GGT6: variants seen among roughly 807,000 people sequenced by gnomAD.
GGT6 encodes the protein gamma-glutamyltransferase 6.
In GGT6, 13 loss-of-function variants were observed where a neutral mutation model predicts 17.0. The ratio of observed to expected loss-of-function variants is 0.77; its 90% CI spans 0.50 to 1.22. The LOEUF (loss-of-function observed/expected upper bound fraction) is 1.22, where lower values mean the gene tolerates loss of function less well. Among genes scored for constraint, GGT6 ranks in the 50% most tolerant of loss-of-function variants. The pLI is 0.00. For synonymous variants in GGT6, 305 were observed against 297.9 expected (o/e 1.02, Z -0.25); for missense variants, 628 against 643.7 (o/e 0.98, Z 0.26).
chr17:4,558,722 G>A lies in GGT6; in HGVS notation c.793C>T (p.Arg265Cys), dbSNP rs377477526. ...GAGGTGGGAGCGAGGGCTGCGCTGC[G>A]AAGCACAGCTGCCAGTTGTGGGTTG... is the stretch of plus-strand genomic sequence containing the variant. ...ATNPQLAAVL[R>C]SAALAPTSDL... The change falls in exon 4 of 4, where the codon CGC (arginine) becomes TGC (cysteine). Residue 265 changes from arginine to cysteine, a missense_variant. Arg to Cys is a radical substitution (Grantham distance 180). Coordinates refer to ENST00000381550, the MANE Select transcript of GGT6 (RefSeq NM_001288702.2). The A allele has an allele frequency of 1.4e-5, 23 of 1,602,768 alleles. No homozygotes were observed. The highest frequency in any genetic ancestry group is 5.3e-5 in the African/African-American group (4 of 74,852).
chr17:4,560,455 C>T lies in GGT6; in HGVS notation c.67G>A (p.Glu23Lys), dbSNP rs866581229. ...LLPWEPSLES[E>K]EEVEEEETSE... ...GTCTCCTCCTCCTCCACTTCCTCCT[C>T]CGACTCCAAGCTTGGCTCCCAGGGC... Residue 23 changes from glutamate (E) to lysine (K), a missense_variant, in exon 1 of 4, where the codon GAG becomes AAG. Transcript: ENST00000381550. The T allele has an allele frequency of 6.2e-7, 1 of 1,614,084 alleles. No individual in the cohort carries two copies. The highest frequency in any genetic ancestry group is 8.5e-7 in the Non-Finnish European group (1 of 1,180,036).
chr17:4,558,279 G>A lies in GGT6; in HGVS notation c.1236C>T (p.Gly412=). 6.2e-7 allele frequency: 1 copy of A among 1,614,044 alleles called. No individual in the cohort carries two copies. The highest frequency in any genetic ancestry group is 8.5e-7 in the Non-Finnish European group (1 of 1,180,050). ...SAWACPLILR[G]SLDDTEADVL... ...CATCAGCCTCTGTGTCATCCAGGCT[G>A]CCACGGAGGATGAGGGGGCAGGCCC... is the stretch of plus-strand genomic sequence containing the variant. The change falls in exon 4 of 4, where the codon GGC becomes GGT. Residue 412 remains glycine (G), a synonymous_variant. Transcript: ENST00000381550.
intron 1 of GGT6, 92 bp from the exon 2 acceptor site, chr17:4,559,852 AT>A: frequency 8.1e-7 from 1 of 1,228,652 alleles, no homozygotes; most frequent in South Asian, 1.3e-5. Flanking sequence ...AAAAGGTTTG[AT>A]TTAGCAAGAG....
At position 4,557,365 on chromosome 17, in the gene GGT6, T is replaced by TTGCAATG. The variant is rs1908234501; in HGVS notation, c.*643_*649dup. The TTGCAATG allele has an allele frequency of 6.7e-6, 1 of 149,780 alleles. No individual in the cohort carries two copies. Among genetic ancestry groups the TTGCAATG allele is most frequent in the Non-Finnish European group, 1.5e-5 (1 of 67,666 alleles). 9.3% of individuals were successfully genotyped at this position (149,780 alleles called of 1,614,324 possible). A position where few individuals can be genotyped will look rare whatever the true frequency, so the allele number is the denominator to read the frequency against. On this transcript the variant is annotated 3_prime_UTR_variant, in exon 4 of 4. Transcript: ENST00000381550. ...TTTCCCTCTTGTTGCCCAGGTGGGG[T>TTGCAATG]TGCAATGGTGCGATCTTGGTTCACT...
Position 4,557,987 on chromosome 17 carries a change from G to T in GGT6, c.*28C>A. 7.0e-7 allele frequency: 1 copy of T among 1,421,132 alleles called. No individual in the cohort carries two copies. The highest frequency in any genetic ancestry group is 9.5e-7 in the Non-Finnish European group (1 of 1,057,316). 88.0% of individuals were successfully genotyped at this position (1,421,132 alleles called of 1,614,324 possible). A position where few individuals can be genotyped will look rare whatever the true frequency, so the allele number is the denominator to read the frequency against. On this transcript the variant is annotated 3_prime_UTR_variant, in exon 4 of 4. Coordinates refer to ENST00000381550, the MANE Select transcript of GGT6 (RefSeq NM_001288702.2). ...CTGCCCCCATGCTTCAGATAACTCTGCCTTCTGCCAGACCCACCCCCATCC... is the reference window on the plus strand; with the variant it reads ...CTGCCCCCATGCTTCAGATAACTCTTCCTTCTGCCAGACCCACCCCCATCC...
rs777462893 is a variant in GGT6 at position 4,558,356 on chromosome 17, T to G, written c.1159A>C (p.Ser387Arg). The change falls in exon 4 of 4, where the codon AGC (serine) becomes CGC (arginine). Residue 387 changes from serine (S) to arginine (R), a missense_variant. By Grantham distance (110) the Ser-to-Arg change is moderately radical. Coordinates refer to ENST00000381550, the MANE Select transcript of GGT6 (RefSeq NM_001288702.2). ...AGGTTGCTGAGCAGAACCCCAGTGC[T>G]TGGGGACAGGTGTGCAGAGCCAAAG... The part of the protein sequence containing the change: ...CSFGSAHLSP[S>R]TGVLLSNLVA... 1 of 1,607,864 alleles carries G rather than the reference T, an allele frequency of 6.2e-7. No homozygotes were observed. Among genetic ancestry groups the G allele is most frequent in the South Asian group, 1.1e-5 (1 of 91,084 alleles).
In GGT6 at chr17:4,558,227, G is replaced by C; in HGVS notation, c.1288C>G (p.Pro430Ala). The change falls in exon 4 of 4, where the codon CCT (proline) becomes GCT (alanine). Residue 430 changes from proline to alanine, a missense_variant. Physicochemically the swap from Pro to Ala is conservative, Grantham distance 27. Coordinates refer to ENST00000381550, the MANE Select transcript of GGT6 (RefSeq NM_001288702.2). ...TGAGTCATGGCCCTGGCCACATCAG[G>C]GGTCCCTGAAGCCACAAGCCCCAAC... ...DVLGLVASGTPDVARAMTHTL... is the reference protein window; with the variant it reads ...DVLGLVASGTADVARAMTHTL... 6.2e-7 allele frequency: 1 copy of C among 1,614,148 alleles called. No individual in the cohort carries two copies. Among genetic ancestry groups the C allele is most frequent in the Non-Finnish European group, 8.5e-7 (1 of 1,180,040 alleles).
chr17:4,558,021 C>T lies in GGT6; in HGVS notation c.1494G>A (p.Gly498=), dbSNP rs1908287915. 2 of 1,534,518 alleles carry T rather than the reference C, an allele frequency of 1.3e-6. No homozygotes were observed. Among genetic ancestry groups the T allele is most frequent in the Admixed American group, 2.0e-5 (1 of 50,738 alleles). ...SVPHACCPFQ[G]F ...CAGACCCACCCCCATCCTGTTAGAA[C>T]CCCTGGAAGGGGCAGCAGGCATGGG... The change falls in exon 4 of 4, where the codon GGG becomes GGA. Residue 498 remains glycine, a synonymous_variant. Transcript: ENST00000381550.
chr17:4,560,380 A>G lies in GGT6; in HGVS notation c.140+2T>C. On this transcript the variant is annotated splice_donor_variant, in intron 1 of 3. Transcript: ENST00000381550. LOFTEE classifies it high-confidence loss of function. ...TGGTGCCCAGACCCCTCCCTTACTTACCTGGAAGAGTCCTGGTGCCTCCGG... is the reference window on the plus strand; with the variant it reads ...TGGTGCCCAGACCCCTCCCTTACTTGCCTGGAAGAGTCCTGGTGCCTCCGG... The G allele has an allele frequency of 6.2e-7, 1 of 1,613,988 alleles. No individual in the cohort carries two copies. The highest frequency in any genetic ancestry group is 8.5e-7 in the Non-Finnish European group (1 of 1,179,958).
intron 1 of GGT6, chr17:4,560,066 C>A: frequency 1.8e-6 from 1 of 569,810 alleles, no homozygotes; most frequent in Non-Finnish European, 3.1e-6. Flanking sequence ...GGGGAGCAGG[C>A]CCAGCCAGGC....
In GGT6 at chr17:4,558,464, C is replaced by T; in HGVS notation, c.1051G>A (p.Ala351Thr). ...PDPCPPFLQT[A>T]VSPESSALAA... ...AGGGCACTGCTCTCGGGGCTCACAG[C>T]AGTCTGCAGGAACGGTGGGCAGGGG... Residue 351 changes from alanine (A) to threonine (T), a missense_variant, in exon 4 of 4, where the codon GCT becomes ACT. Physicochemically the swap from Ala to Thr is moderately conservative, Grantham distance 58 (BLOSUM62 0). Transcript: ENST00000381550. The T allele has an allele frequency of 6.2e-7, 1 of 1,608,194 alleles. No individual in the cohort carries two copies. The highest frequency in any genetic ancestry group is 2.2e-5 in the East Asian group (1 of 44,852).
rs986484499 is a variant in GGT6 at position 4,558,988 on chromosome 17, G to A, written c.527C>T (p.Ala176Val). 1 of 1,545,698 alleles carries A rather than the reference G, an allele frequency of 6.5e-7. No individual in the cohort carries two copies. Among genetic ancestry groups the A allele is most frequent in the African/African-American group, 1.4e-5 (1 of 73,026 alleles). ...CCCCAGGCCGGGGGCCAGGGTCTGT[G>A]CTGGGCCTGATGTCAGGGCCGTGGA... ...GNSTALTSGPAQTLAPGLGLP... is the reference protein window; with the variant it reads ...GNSTALTSGPVQTLAPGLGLP... The change falls in exon 4 of 4, where the codon GCA (alanine) becomes GTA (valine). Residue 176 changes from alanine to valine, a missense_variant. Coordinates refer to ENST00000381550, the MANE Select transcript of GGT6 (RefSeq NM_001288702.2).
chr17:4,560,314 C>G, intron 1 of GGT6, 68 bp downstream of exon 1: 1 of 1,579,790 alleles, frequency 6.3e-7, no homozygotes. Flanking sequence ...CCCTGAGGGG[C>G]TCCAGAGAGA....
At chr17:4,556,810 A>T (rs1908179155), downstream of GGT6, 1 of 152,234 alleles carries the variant, frequency 6.6e-6, no homozygotes, top group South Asian at 2.1e-4. Flanking sequence ...GCTGAAAGAT[A>T]CCAACCCAGG....
Position 4,558,392 on chromosome 17 carries a change from G to A in GGT6, c.1123C>T (p.Leu375Phe). 3 of 1,605,294 alleles carry A rather than the reference G, an allele frequency of 1.9e-6. No homozygotes were observed. Among genetic ancestry groups the A allele is most frequent in the Non-Finnish European group, 2.5e-6 (3 of 1,179,998 alleles). The part of the protein sequence containing the change: ...SGSVLLLTSS[L>F]NCSFGSAHLS... ...TGTGCAGAGCCAAAGGAGCAGTTGA[G>A]CGAGGAGGTGAGAAGGAGCACAGAG... Residue 375 changes from leucine (L) to phenylalanine (F), a missense_variant, in exon 4 of 4, where the codon CTC (leucine) becomes TTC (phenylalanine). Leu to Phe is a conservative substitution (Grantham distance 22, BLOSUM62 0). Coordinates refer to ENST00000381550, the MANE Select transcript of GGT6 (RefSeq NM_001288702.2).
At position 4,559,649 on chromosome 17, in the gene GGT6, C is replaced by A. The variant is rs145923439; in HGVS notation, c.252G>T (p.Ser84=). 5.0e-6 allele frequency: 8 copies of A among 1,613,508 alleles called. No homozygotes were observed. Among genetic ancestry groups the A allele is most frequent in the Non-Finnish European group, 5.9e-6 (7 of 1,180,000 alleles). ...GGGCCACAGAGCCCAAGCTTCCTGT[C>A]GACCTGCCCTGATTCTGGAGCTGCC... ...AVRQLQNQGR[S]TGSLGSVAPP... Residue 84 remains serine (S), a synonymous_variant, in exon 2 of 4, where the codon TCG becomes TCT. Transcript: ENST00000381550.
Position 4,558,241 on chromosome 17 carries a change from A to C in GGT6, c.1274T>G (p.Val425Gly). The C allele has an allele frequency of 6.2e-7, 1 of 1,614,170 alleles. No homozygotes were observed. Among genetic ancestry groups the C allele is most frequent in the Non-Finnish European group, 8.5e-7 (1 of 1,180,040 alleles). ...DDTEADVLGL[V>G]ASGTPDVARA... ...GGCCACATCAGGGGTCCCTGAAGCC[A>C]CAAGCCCCAACACATCAGCCTCTGT... Residue 425 changes from valine to glycine, a missense_variant, in exon 4 of 4, where the codon GTG (valine) becomes GGG (glycine). Transcript: ENST00000381550.
At chr17:4,559,905 G>A (rs1597398133) in intron 1 of GGT6, 145 bp from the exon 2 acceptor site, 3 of 703,904 alleles carry the variant, frequency 4.3e-6, no homozygotes, top group East Asian at 2.7e-5. Context: ...TTGGCAGCGG[G>A]TGCATCTTGG....
intron 3 of GGT6, 22 bp from the exon 4 acceptor site, chr17:4,559,079 C>T: frequency 6.5e-7 from 1 of 1,539,454 alleles, no homozygotes; most frequent in South Asian, 1.2e-5. Context: ...AGAGGGGTCC[C>T]TCAGCAGCCG....
Sources: gnomAD v4.1 joint callset for allele counts on GRCh38, gnomAD v4.1.1 for gene constraint, MANE v1.5 for transcripts, NCBI Gene and HGNC (gene_info 2026-07-23, HGNC 2026-07-21) for gene names.